The following GCC1 variants were observed in gnomAD, a reference collection of about 807,000 sequenced individuals.
GCC1 encodes GRIP and coiled-coil domain-containing protein 1.
GCC1 carries 36 observed loss-of-function variants against 62.5 expected under a neutral mutation model. The ratio of observed to expected loss-of-function variants is 0.58; its 90% CI spans 0.44 to 0.76. The LOEUF is 0.76. GCC1 is among the 30% of genes least tolerant of loss of function. The pLI, the probability that GCC1 is intolerant of heterozygous loss-of-function variation, is 0.00. For synonymous variants in GCC1, 391 were observed against 386.8 expected, an observed-to-expected ratio of 1.01 and a Z score of -0.13; for missense variants, 885 against 948.3, an observed-to-expected ratio of 0.93 and a Z score of 0.88.
chr7:127,582,251 C>T lies in GCC1; in HGVS notation c.2091G>A (p.Glu697=). 1 of 1,614,210 alleles carries T rather than the reference C, an allele frequency of 6.2e-7. No individual in the cohort carries two copies. Among genetic ancestry groups the T allele is most frequent in the South Asian group, 1.1e-5 (1 of 91,080 alleles). The change falls in exon 2 of 2, where the codon GAG becomes GAA. Residue 697 remains glutamate (E), a synonymous_variant. Transcript: ENST00000321407. The surrounding 1 kb of genome is among the most constrained non-coding windows in gnomAD (Gnocchi z 4.8). ...RLLEEGERHR[E]EVAALQSHIE... is the part of the protein sequence containing the mutation. ...TGTGGCTCTGCAGGGCTGCAACCTC[C>T]TCACGATGCCGTTCGCCCTCCTCCA... is the stretch of plus-strand genomic sequence containing the variant.
rs766644326 is a variant in GCC1 at position 127,582,114 on chromosome 7, A to C, written c.2228T>G (p.Leu743Arg). Residue 743 changes from leucine to arginine, a missense_variant, in exon 2 of 2, where the codon CTC (leucine) becomes CGC (arginine). Coordinates refer to ENST00000321407, the MANE Select transcript of GCC1 (RefSeq NM_024523.6). The surrounding 1 kb of genome is among the most constrained non-coding windows in gnomAD (Gnocchi z 4.8). ...LPDSLGRQQT[L>R]TAILTILHFS... ...GTGCAAGATAGTCAGTATGGCTGTG[A>C]GAGTCTGCTGGCGGCCCAGGGAGTC... The C allele has an allele frequency of 6.2e-6, 10 of 1,614,154 alleles. No individual in the cohort carries two copies. Among genetic ancestry groups the C allele is most frequent in the Non-Finnish European group, 8.5e-6 (10 of 1,180,004 alleles).
In GCC1 at chr7:127,585,275, G is replaced by A. The variant is rs1181649576; in HGVS notation, c.-93C>T. On this transcript the variant is annotated 5_prime_UTR_variant, in exon 1 of 2. Coordinates refer to ENST00000321407, the MANE Select transcript of GCC1 (RefSeq NM_024523.6). ...GCGGGGGCTTAAAGAAACAGCGAGC[G>A]GGCTGTCCGGCGGCGGGCCGCACAC... 4 of 1,242,808 alleles carry A rather than the reference G, an allele frequency of 3.2e-6. No individual in the cohort carries two copies. The highest frequency in any genetic ancestry group is 4.4e-6 in the Non-Finnish European group (4 of 900,332). 77.0% of individuals were successfully genotyped at this position (1,242,808 alleles called of 1,614,324 possible).
rs757630689 is a variant in GCC1 at position 127,583,308 on chromosome 7, G to A, written c.1034C>T (p.Thr345Ile). The A allele has an allele frequency of 1.3e-6, 2 of 1,588,318 alleles. No individual in the cohort carries two copies. Among genetic ancestry groups the A allele is most frequent in the South Asian group, 1.1e-5 (1 of 89,270 alleles). ...ACGGAGTTGATCCTCTGCAAGAGCT[G>A]TCTGCAAAACAAGGGAACAGACAAA... is the stretch of plus-strand genomic sequence containing the variant. ...QAQLQQEMRK[T>I]ALAEDQLRQQ... The change falls in exon 2 of 2, where the codon ACA becomes ATA. Residue 345 changes from threonine to isoleucine, a missense_variant and splice_region_variant. Coordinates refer to ENST00000321407, the MANE Select transcript of GCC1 (RefSeq NM_024523.6).
rs1024013785 is a variant in GCC1 at position 127,580,757 on chromosome 7, C to T, written c.*1257G>A. On this transcript the variant is annotated 3_prime_UTR_variant, in exon 2 of 2. Coordinates refer to ENST00000321407, the MANE Select transcript of GCC1 (RefSeq NM_024523.6). ...GATTTAATCAAAGTTTTCTGCACCCCAAACCCTCACAAAACAGACCTCTAT... is the reference window on the plus strand; with the variant it reads ...GATTTAATCAAAGTTTTCTGCACCCTAAACCCTCACAAAACAGACCTCTAT... The T allele has an allele frequency of 6.6e-6, 1 of 152,174 alleles. No homozygotes were observed. Among genetic ancestry groups the T allele is most frequent in the African/African-American group, 2.4e-5 (1 of 41,432 alleles). 9.4% of individuals were successfully genotyped at this position (152,174 alleles called of 1,614,324 possible).
At position 127,582,633 on chromosome 7, in the gene GCC1, C is replaced by T; in HGVS notation, c.1709G>A (p.Cys570Tyr). Residue 570 changes from cysteine to tyrosine, a missense_variant, in exon 2 of 2, where the codon TGC (cysteine) becomes TAC (tyrosine). Transcript: ENST00000321407. This position sits in a 1 kb window ranked among gnomAD's most constrained non-coding sequence, Gnocchi z 4.8. ...TGTGCGGTCCCTGAAGTCCAGCTGG[C>T]ACCGCTCCAGCTCCTGCCGGTGGAG... ...QQLHRQELERCQLDFRDRTLK... is the reference protein window; with the variant it reads ...QQLHRQELERYQLDFRDRTLK... 6.2e-7 allele frequency: 1 copy of T among 1,613,124 alleles called. No individual in the cohort carries two copies. The highest frequency in any genetic ancestry group is 1.1e-5 in the South Asian group (1 of 91,082).
Position 127,585,052 on chromosome 7 carries a change from C to A in GCC1, c.131G>T (p.Ser44Ile). 1 of 1,614,170 alleles carries A rather than the reference C, an allele frequency of 6.2e-7. No individual in the cohort carries two copies. The highest frequency in any genetic ancestry group is 8.5e-7 in the Non-Finnish European group (1 of 1,180,042). ...RLKDVVRAYKSLLKEKEALEA... is the reference protein window; with the variant it reads ...RLKDVVRAYKILLKEKEALEA... ...TAATGCCTCTTTCTCCTTCAGCAGG[C>A]TTTTATAGGCACGGACCACATCCTT... The change falls in exon 1 of 2, where the codon AGC becomes ATC. Residue 44 changes from serine to isoleucine, a missense_variant. Ser to Ile is a moderately radical substitution (Grantham distance 142, BLOSUM62 -2). Transcript: ENST00000321407.
At chr7:127,584,106 A>C in intron 1 of GCC1, 45 bp downstream of exon 1, 1 of 1,540,580 alleles carries the variant, frequency 6.5e-7, no homozygotes, top group Non-Finnish European at 8.9e-7. Flanking sequence ...AATATTTCTC[A>C]CTTCAGGTCA....
In GCC1 at chr7:127,582,293, C is replaced by T. The variant is rs1291765916; in HGVS notation, c.2049G>A (p.Gln683=). The T allele has an allele frequency of 6.2e-7, 1 of 1,614,254 alleles. No individual in the cohort carries two copies. The highest frequency in any genetic ancestry group is 1.7e-5 in the Admixed American group (1 of 60,032). The change falls in exon 2 of 2, where the codon CAG becomes CAA. Residue 683 remains glutamine, a synonymous_variant. Coordinates refer to ENST00000321407, the MANE Select transcript of GCC1 (RefSeq NM_024523.6). The surrounding 1 kb of genome is among the most constrained non-coding windows in gnomAD (Gnocchi z 4.8). ...CCTCCTCCAGCAGCCGATCCTGCAG[C>T]TGATGCACCTCGACCTCCAGCCTGT... ...QKHRLEVEVH[Q]LQDRLLEEGE...
At position 127,582,487 on chromosome 7, in the gene GCC1, T is replaced by G. The variant is rs746733401; in HGVS notation, c.1855A>C (p.Arg619=). Residue 619 remains arginine (R), a synonymous_variant, in exon 2 of 2, where the codon AGA becomes CGA. Transcript: ENST00000321407. This position sits in a 1 kb window ranked among gnomAD's most constrained non-coding sequence, Gnocchi z 4.8. ...VALASGLPGR[R]SPVGGGGPGD... ...GGACCGCCACCACCCACAGGACTTC[T>G]GCGTCCTGGCAGCCCAGAGGCCAAG... 5 of 1,613,766 alleles carry G rather than the reference T, an allele frequency of 3.1e-6. No homozygotes were observed. In the South Asian group the frequency reaches 4.4e-5, roughly 14 times the overall value.
intron 1 of GCC1, among the ~76,000 whole-genome samples, chr7:127,583,847 C>A (rs1050018675): frequency 4.6e-5 from 7 of 152,216 alleles, no homozygotes; most frequent in African/African-American, 1.7e-4. Context: ...AGACACGCTA[C>A]CTTTTACTAT....
In GCC1 at chr7:127,584,735, C is replaced by T. The variant is rs1253452965; in HGVS notation, c.448G>A (p.Ala150Thr). ...AGTCTTTTGTCCACCTCCCCACCTG[C>T]AAATGGCCCATCCCCACTGCTACTG... ...VSSSSGDGPFAGGEVDKRLHQ... is the reference protein window; with the variant it reads ...VSSSSGDGPFTGGEVDKRLHQ... The change falls in exon 1 of 2, where the codon GCA becomes ACA. Residue 150 changes from alanine to threonine, a missense_variant. By Grantham distance (58) the Ala-to-Thr change is moderately conservative. Transcript: ENST00000321407. The T allele has an allele frequency of 2.5e-6, 4 of 1,614,096 alleles. No individual in the cohort carries two copies. Among genetic ancestry groups the T allele is most frequent in the African/African-American group, 1.3e-5 (1 of 74,940 alleles).
rs371162356 is a variant in GCC1, at chr7:127,585,470, C to G, written c.-288G>C. ...GGCTCGTTAGCGCTGGCCCAGAAGC[C>G]GCTCCGCACTCTCCGCTCGTCTGGG... is the stretch of plus-strand genomic sequence containing the variant. On this transcript the variant is annotated 5_prime_UTR_variant, in exon 1 of 2. Coordinates refer to ENST00000321407, the MANE Select transcript of GCC1 (RefSeq NM_024523.6). 5.8e-5 allele frequency: 24 copies of G among 415,502 alleles called. No homozygotes were observed. The highest frequency in any genetic ancestry group is 4.5e-4 in the African/African-American group (22 of 48,528). The allele number at this position is 415,502 out of a possible 1,614,324, so 25.7% of individuals were successfully genotyped here. A position where few individuals can be genotyped will look rare whatever the true frequency, so the allele number is the denominator to read the frequency against.
At position 127,585,555 on chromosome 7, in the gene GCC1, G is replaced by A. The variant is rs577342719; in HGVS notation, c.-373C>T. Reference sequence around the variant, plus strand: ...TCGGCCAGAGGGTTACGCTGAGCTCGGTCCCATCACGACATCCTAACTAAA... The same window carrying A: ...TCGGCCAGAGGGTTACGCTGAGCTCAGTCCCATCACGACATCCTAACTAAA... On this transcript the variant is annotated 5_prime_UTR_variant, in exon 1 of 2. Coordinates refer to ENST00000321407, the MANE Select transcript of GCC1 (RefSeq NM_024523.6). 1.3e-4 allele frequency: 28 copies of A among 209,972 alleles called. No individual in the cohort carries two copies. The highest frequency in any genetic ancestry group is 5.5e-4 in the African/African-American group (24 of 43,310). 13.0% of individuals were successfully genotyped at this position (209,972 alleles called of 1,614,324 possible).
intron 1 of GCC1, 116 bp downstream of exon 1, chr7:127,584,035 T>C: frequency 1.2e-6 from 1 of 859,666 alleles, no homozygotes; most frequent in Non-Finnish European, 1.8e-6. Context: ...ACTTCTCAGG[T>C]GGCATCAAAA....
At position 127,582,914 on chromosome 7, in the gene GCC1, A is replaced by G; in HGVS notation, c.1428T>C (p.Ala476=). 6.2e-7 allele frequency: 1 copy of G among 1,614,154 alleles called. No homozygotes were observed. The highest frequency in any genetic ancestry group is 8.5e-7 in the Non-Finnish European group (1 of 1,180,032). The change falls in exon 2 of 2, where the codon GCT becomes GCC. Residue 476 remains alanine (A), a synonymous_variant. Transcript: ENST00000321407. The surrounding 1 kb of genome is among the most constrained non-coding windows in gnomAD (Gnocchi z 4.8). ...PSSEAADGEK[A]TALYYQQELK... ...GCTCCTGTTGGTAATAGAGTGCAGTAGCCTTCTCCCCATCAGCAGCCTCCG... is the reference window on the plus strand; with the variant it reads ...GCTCCTGTTGGTAATAGAGTGCAGTGGCCTTCTCCCCATCAGCAGCCTCCG...
At chr7:127,584,027 T>C (rs1444375273) in intron 1 of GCC1, 124 bp downstream of exon 1, 1 of 812,960 alleles carries the variant, frequency 1.2e-6, no homozygotes, top group African/African-American at 1.7e-5. Context: ...CTAGTGGAAC[T>C]TCTCAGGTGG....
chr7:127,582,023 G>A lies in GCC1; in HGVS notation c.2319C>T (p.Gly773=). ...LPTSASWWPS[G]KR ...ATTCATGAAAATGGCATCATCTCTT[G>A]CCAGAAGGCCACCAGCTGGCACTGG... is the stretch of plus-strand genomic sequence containing the variant. The change falls in exon 2 of 2, where the codon GGC becomes GGT. Residue 773 remains glycine, a synonymous_variant. Coordinates refer to ENST00000321407, the MANE Select transcript of GCC1 (RefSeq NM_024523.6). The surrounding 1 kb of genome is among the most constrained non-coding windows in gnomAD (Gnocchi z 4.8). The A allele has an allele frequency of 1.2e-6, 2 of 1,610,278 alleles. No homozygotes were observed. The highest frequency in any genetic ancestry group is 1.7e-6 in the Non-Finnish European group (2 of 1,176,878).
In GCC1 at chr7:127,582,078, TCTGGA is replaced by T. The variant is rs746682685; in HGVS notation, c.2259_2263del (p.Ser753ArgfsTer27). The T allele has an allele frequency of 1.2e-5, 19 of 1,614,066 alleles. No homozygotes were observed. The highest frequency in any genetic ancestry group is 1.6e-5 in the Non-Finnish European group (19 of 1,180,034). On this transcript the variant is annotated frameshift_variant, in exon 2 of 2. Transcript: ENST00000321407. LOFTEE classifies it high-confidence loss of function. The surrounding 1 kb of genome is among the most constrained non-coding windows in gnomAD (Gnocchi z 4.8). ...GAGTCGCATTATCACTTGTTTCTCC[TCTGGA>T]CTGAAGTGCAAGATAGTCAGTATGG... is the stretch of plus-strand genomic sequence containing the variant.
rs780111481 is a variant in GCC1 at position 127,582,589 on chromosome 7, G to C, written c.1753C>G (p.Leu585Val). The C allele has an allele frequency of 6.2e-7, 1 of 1,612,350 alleles. No homozygotes were observed. The highest frequency in any genetic ancestry group is 8.5e-7 in the Non-Finnish European group (1 of 1,179,986). ...AGGGCACGATCCCGCTGCTTGTGCAGCTCCTCCTCCAGTTTCAGTGTGCGG... is the reference window on the plus strand; with the variant it reads ...AGGGCACGATCCCGCTGCTTGTGCACCTCCTCCTCCAGTTTCAGTGTGCGG... ...RDRTLKLEEE[L>V]HKQRDRALAV... Residue 585 changes from leucine to valine, a missense_variant, in exon 2 of 2, where the codon CTG (leucine) becomes GTG (valine). By Grantham distance (32) the Leu-to-Val change is conservative. Coordinates refer to ENST00000321407, the MANE Select transcript of GCC1 (RefSeq NM_024523.6). This position sits in a 1 kb window ranked among gnomAD's most constrained non-coding sequence, Gnocchi z 4.8.
Sources: allele counts gnomAD v4.1 joint callset (sites outside exome capture counted in the v4.1 genomes callset), GRCh38; gene constraint gnomAD v4.1.1; non-coding constraint Gnocchi (gnomAD v3.1); transcripts MANE v1.5; gene names NCBI Gene and HGNC (gene_info 2026-07-23, HGNC 2026-07-21).